The following COL10A1 variants were observed in gnomAD, a reference collection of about 807,000 sequenced individuals.
COL10A1 encodes collagen type X alpha 1 chain.
A neutral mutation model predicts 18.2 loss-of-function variants in COL10A1; 10 were observed. The ratio of observed to expected loss-of-function variants is 0.55; its 90% CI spans 0.34 to 0.93. The LOEUF (loss-of-function observed/expected upper bound fraction) is 0.93. COL10A1 is among the 40% of genes least tolerant of loss of function. The pLI, the probability that COL10A1 is intolerant of heterozygous loss-of-function variation, is 0.02. For synonymous variants in COL10A1, 330 were observed against 316.6 expected (o/e 1.04, Z -0.45); for missense variants, 897 against 853.5 (o/e 1.05, Z -0.64).
upstream of COL10A1, among the ~76,000 whole-genome samples, chr6:116,163,133 A>ATAT (rs1780377098): frequency 1.1e-5 from 1 of 92,582 alleles, no homozygotes; most frequent in Admixed American, 1.0e-4. Flanking sequence ...TCTCAAAAAA[A>ATAT]AAAAAAAAAT....
At chr6:116,208,702 C>T in the COL10A1 span, among the ~76,000 whole-genome samples, 1 of 152,020 alleles carries the variant, frequency 6.6e-6, no homozygotes, top group East Asian at 1.9e-4. Context: ...CTTGTAGTGT[C>T]TTTCTGTGAC....
chr6:116,185,100 A>G, the COL10A1 span, among the ~76,000 whole-genome samples: 1 of 152,046 alleles, frequency 6.6e-6, no homozygotes, highest in Non-Finnish European at 1.5e-5. Context: ...TTAAATTTCC[A>G]TCTTGAGTTC....
At position 116,120,555 on chromosome 6, in the gene COL10A1, T is replaced by A. The variant is rs764643981; in HGVS notation, c.1561A>T (p.Met521Leu). Residue 521 changes from methionine (M) to leucine (L), a missense_variant, in exon 3 of 3, where the codon ATG becomes TTG. Coordinates refer to ENST00000651968, the MANE Select transcript of COL10A1 (RefSeq NM_000493.4). ...CCTGCCTTTATAAAACCCTCAGGCATGACTGCTTGACCTGGTGGGCCTGGA... is the reference window on the plus strand; with the variant it reads ...CCTGCCTTTATAAAACCCTCAGGCAAGACTGCTTGACCTGGTGGGCCTGGA... ...GPPGPPGQAVMPEGFIKAGQR... is the reference protein window; with the variant it reads ...GPPGPPGQAVLPEGFIKAGQR... The A allele has an allele frequency of 1.6e-5, 26 of 1,612,034 alleles. No homozygotes were observed. The highest frequency in any genetic ancestry group is 1.9e-5 in the Non-Finnish European group (22 of 1,178,942).
At chr6:116,162,311 A>G (rs766154778), upstream of COL10A1, among the ~76,000 whole-genome samples, 6 of 152,124 alleles carry the variant, frequency 3.9e-5, no homozygotes, top group South Asian at 4.1e-4. Flanking sequence ...TTCCATTACT[A>G]TGTTGAATAG....
upstream of COL10A1, among the ~76,000 whole-genome samples, chr6:116,128,654 A>G (rs1322492797): frequency 1.3e-5 from 2 of 152,150 alleles, no homozygotes. Flanking sequence ...GGTGAATAAT[A>G]TATATTCTAT....
At chr6:116,199,997 A>ATG in the COL10A1 span, among the ~76,000 whole-genome samples, 11 of 119,704 alleles carry the variant, frequency 9.2e-5, no homozygotes, top group Middle Eastern at 4.4e-3. Flanking sequence ...CAGTATGGAA[A>ATG]GTGGGGGGGG....
chr6:116,141,100 T>C (rs990243516), intron 1 of COL10A1, among the ~76,000 whole-genome samples: 1 of 152,182 alleles, frequency 6.6e-6, no homozygotes, highest in Non-Finnish European at 1.5e-5. Flanking sequence ...TCATTTAAAC[T>C]TCAAGGTTTG....
At chr6:116,187,847 A>C in the COL10A1 span, among the ~76,000 whole-genome samples, 1 of 152,112 alleles carries the variant, frequency 6.6e-6, no homozygotes, top group African/African-American at 2.4e-5. Flanking sequence ...TTGATTGTAA[A>C]GGAAAAGTGA....
At position 116,137,952 on chromosome 6, in the gene COL10A1, G is replaced by T. The variant is rs186643817; in HGVS notation, c.-15-12445C>A. On this transcript the variant is annotated intron_variant, in intron 1 of 1. Coordinates refer to the COL10A1 transcript ENST00000418500. The stretch of plus-strand genomic sequence containing the variant: ...AAATTAGCCAGGCGTGGTGGTGTGT[G>T]TCTGTAATCCAAGCTACACAGGAGG... 2.6e-3 allele frequency among the ~76,000 whole-genome samples: 394 copies of T among 152,166 alleles called. 10 individuals carry two copies. In the South Asian group the frequency reaches 0.043, roughly 17 times the overall value.
chr6:116,178,116 T>C, the COL10A1 span, among the ~76,000 whole-genome samples: 362 of 148,824 alleles, frequency 2.4e-3, no homozygotes, highest in African/African-American at 8.6e-3. Flanking sequence ...CGTGCGTGTG[T>C]GTGTGTGTGT....
Position 116,119,980 on chromosome 6 carries a change from C to G in COL10A1, c.*93G>C, listed in dbSNP as rs1779058771. 6 of 1,126,364 alleles carry G rather than the reference C, an allele frequency of 5.3e-6. No individual in the cohort carries two copies. Among genetic ancestry groups the G allele is most frequent in the Non-Finnish European group, 8.1e-6 (6 of 745,136 alleles). 69.8% of individuals were successfully genotyped at this position (1,126,364 alleles called of 1,614,324 possible). A position where few individuals can be genotyped will look rare whatever the true frequency, so the allele number is the denominator to read the frequency against. On this transcript the variant is annotated 3_prime_UTR_variant, in exon 3 of 3. Coordinates refer to ENST00000651968, the MANE Select transcript of COL10A1 (RefSeq NM_000493.4). ...TATTTCAGAAAATAAAAATTACATT[C>G]TTTTCAGCCTACCTCCATATGCATT... is the stretch of plus-strand genomic sequence containing the variant.
chr6:116,147,908 CCTGGGAGG>C (rs1779938272), intron 1 of COL10A1, among the ~76,000 whole-genome samples: 2 of 151,814 alleles, frequency 1.3e-5, no homozygotes, highest in Non-Finnish European at 2.9e-5. Flanking sequence ...ATCGCTTGAA[CCTGGGAGG>C]CGGAGGTTGC....
the COL10A1 span, among the ~76,000 whole-genome samples, chr6:116,184,716 A>G: frequency 2.1e-4 from 32 of 152,068 alleles, no homozygotes; most frequent in East Asian, 5.8e-3. Context: ...ATATTTATGT[A>G]GTATCAGTTG....
chr6:116,166,898 T>C, the COL10A1 span, among the ~76,000 whole-genome samples: 1 of 152,216 alleles, frequency 6.6e-6, no homozygotes, highest in Non-Finnish European at 1.5e-5. Flanking sequence ...TTTTTTGTTA[T>C]TCAGAATTGA....
rs545003659 is a variant in COL10A1 at position 116,150,284 on chromosome 6, CT to C, written c.-16+8329del. Among the ~76,000 whole-genome samples the C allele has an allele frequency of 3.0e-3, 456 of 151,682 alleles. 7 individuals are homozygous for C. The highest frequency in any genetic ancestry group is 0.012 in the South Asian group (57 of 4,808). ...GAAAATGGTTTTTTTTTTATTTTAA[CT>C]TTTTAATTATTATTTTTTCAGACAA... On this transcript the variant is annotated intron_variant, in intron 1 of 1. Transcript: ENST00000418500.
chr6:116,154,612 G>A (rs1467256386), intron 1 of COL10A1, among the ~76,000 whole-genome samples: 3 of 152,112 alleles, frequency 2.0e-5, no homozygotes, highest in Non-Finnish European at 4.4e-5. Flanking sequence ...CAGTTTGAAA[G>A]TACACAGTTC....
chr6:116,161,166 G>A (rs1188592752), upstream of COL10A1, among the ~76,000 whole-genome samples: 1 of 131,118 alleles, frequency 7.6e-6, no homozygotes, highest in Non-Finnish European at 1.5e-5. Flanking sequence ...ACAGGAAGGG[G>A]AACATCACAA....
At chr6:116,207,340 G>A in the COL10A1 span, among the ~76,000 whole-genome samples, 15 of 144,784 alleles carry the variant, frequency 1.0e-4, no homozygotes, top group Non-Finnish European at 2.1e-4. Context: ...CTTTTTTATG[G>A]TGGACTTAAT....
At chr6:116,156,156 ATCATCTTTTATTT>A (rs1780187995) in intron 1 of COL10A1, among the ~76,000 whole-genome samples, 2 of 152,160 alleles carry the variant, frequency 1.3e-5, no homozygotes, top group Non-Finnish European at 2.9e-5. Flanking sequence ...CCTGTTCCCC[ATCATCTTTTATTT>A]TGGGGAGGAA....
Sources: gnomAD v4.1 joint callset for allele counts (sites outside exome capture counted in the v4.1 genomes callset) on GRCh38, gnomAD v4.1.1 for gene constraint, MANE v1.5 for transcripts, NCBI Gene and HGNC (gene_info 2026-07-23, HGNC 2026-07-21) for gene names.